ANTXR1: variants seen among roughly 807,000 people sequenced by gnomAD.
The protein encoded by ANTXR1 is ANTXR cell adhesion molecule 1.
Under a neutral mutation model 78.1 loss-of-function variants are expected in ANTXR1, and 19 were observed. That is an observed-to-expected ratio of 0.24 (90% CI 0.17 to 0.36). The LOEUF is 0.36. ANTXR1 is among the 10% of genes least tolerant of loss of function. The pLI, the probability that ANTXR1 is intolerant of heterozygous loss-of-function variation, is 1.00. For missense variants in ANTXR1, 518 were observed against 718.6 expected (o/e 0.72, Z 3.19); for synonymous variants, 273 against 260.5 (o/e 1.05, Z -0.46).
At chr2:69,193,464 T>A (rs7584057) in intron 17 of ANTXR1, 49 bp downstream of exon 17, 6 of 1,074,106 alleles carry the variant, frequency 5.6e-6, no homozygotes, top group South Asian at 1.3e-5. Flanking sequence ...CTCTCTCACA[T>A]ACACACACAC....
At chr2:69,236,835 A>G (rs900815468) in intron 17 of ANTXR1, among the ~76,000 whole-genome samples, 18 of 152,250 alleles carry the variant, frequency 1.2e-4, no homozygotes, top group Admixed American at 9.8e-4. Flanking sequence ...AAATGGTCAC[A>G]GTAAACTACT....
intron 16 of ANTXR1, among the ~76,000 whole-genome samples, chr2:69,187,185 CA>C (rs1209965963): frequency 2.0e-5 from 3 of 152,152 alleles, no homozygotes; most frequent in African/African-American, 2.4e-5. Flanking sequence ...GGCTCTTCTC[CA>C]CCCACCATCT....
intron 17 of ANTXR1, among the ~76,000 whole-genome samples, chr2:69,227,279 C>T (rs993504319): frequency 1.3e-5 from 2 of 152,100 alleles, no homozygotes; most frequent in African/African-American, 2.4e-5. Context: ...TCATGGCAGC[C>T]CTTACCTAAA....
chr2:69,144,554 G>A (rs1406145005), intron 12 of ANTXR1, among the ~76,000 whole-genome samples: 2 of 152,166 alleles, frequency 1.3e-5, no homozygotes, highest in Non-Finnish European at 2.9e-5. Context: ...GCATCCCCAG[G>A]TGCCCCGTGG....
intron 6 of ANTXR1, among the ~76,000 whole-genome samples, chr2:69,073,403 G>A (rs563626271): frequency 2.7e-4 from 41 of 152,080 alleles, no homozygotes; most frequent in Admixed American, 1.2e-3. Flanking sequence ...TTTAAATACT[G>A]TATATCACTT....
At chr2:69,091,333 C>T (rs965997315) in intron 9 of ANTXR1, among the ~76,000 whole-genome samples, 3 of 148,904 alleles carry the variant, frequency 2.0e-5, no homozygotes, top group Non-Finnish European at 3.0e-5. Flanking sequence ...CCCAGCTACT[C>T]GGGAGGCTGA....
In ANTXR1 at chr2:69,182,545, C is replaced by G; in HGVS notation, c.1238C>G (p.Ala413Gly). The G allele has an allele frequency of 6.2e-7, 1 of 1,614,162 alleles. No individual in the cohort carries two copies. The change falls in exon 16 of 18, where the codon GCA becomes GGA. Residue 413 changes from alanine (A) to glycine (G), a missense_variant. Ala to Gly is a moderately conservative substitution (Grantham distance 60). Transcript: ENST00000303714. ...GAAGAAGGTGCTAAGTTGGAAAAGGCAAAGAATGCAAGAGTCAAGATGCCG... is the reference window on the plus strand; with the variant it reads ...GAAGAAGGTGCTAAGTTGGAAAAGGGAAAGAATGCAAGAGTCAAGATGCCG... ...STEEGAKLEK[A>G]KNARVKMPEQ...
intron 10 of ANTXR1, among the ~76,000 whole-genome samples, chr2:69,120,729 A>G (rs2104370124): frequency 6.6e-6 from 1 of 152,320 alleles, no homozygotes. Context: ...CTACACTGTC[A>G]TCATAAGCTT....
chr2:69,185,265 G>A (rs1239768055), intron 16 of ANTXR1, among the ~76,000 whole-genome samples: 1 of 152,214 alleles, frequency 6.6e-6, no homozygotes, highest in Non-Finnish European at 1.5e-5. Context: ...CACCAGCTGG[G>A]CGCAGTGGCT....
chr2:69,193,457 T>TCACA lies in ANTXR1; in HGVS notation c.1434+43_1434+44insACAC, dbSNP rs763774448. Reference sequence around the variant, plus strand: ...CATTAATGGTGTCTCTCTCTCTCTCTCTCACATACACACACACACACACAC... The same window carrying TCACA: ...CATTAATGGTGTCTCTCTCTCTCTCTCACACTCACATACACACACACACACACAC... On this transcript the variant is annotated intron_variant, in intron 17 of 17. Coordinates refer to ENST00000303714, the MANE Select transcript of ANTXR1 (RefSeq NM_032208.3). The TCACA allele has an allele frequency of 2.2e-3, 2,600 of 1,160,514 alleles. 34 individuals carry two copies. The African/African-American group carries it at 0.031, about 14-fold the overall frequency. The allele number at this position is 1,160,514 out of a possible 1,614,324, so 71.9% of individuals were successfully genotyped here. A position where few individuals can be genotyped will look rare whatever the true frequency, so the allele number is the denominator to read the frequency against.
intron 12 of ANTXR1, among the ~76,000 whole-genome samples, chr2:69,125,793 A>G (rs1672515040): frequency 6.6e-6 from 1 of 152,030 alleles, no homozygotes; most frequent in Non-Finnish European, 1.5e-5. Flanking sequence ...GTGAGCTGAG[A>G]TTGCACCACT....
At chr2:69,204,468 G>T (rs1674848191) in intron 17 of ANTXR1, among the ~76,000 whole-genome samples, 1 of 152,112 alleles carries the variant, frequency 6.6e-6, no homozygotes, top group African/African-American at 2.4e-5. Flanking sequence ...AAGGTGGTCT[G>T]GAGAGATTCC....
chr2:69,094,986 C>A (rs1345907049), intron 9 of ANTXR1, among the ~76,000 whole-genome samples: 1 of 152,158 alleles, frequency 6.6e-6, no homozygotes, highest in South Asian at 2.1e-4. Flanking sequence ...GAAAAGCTGA[C>A]ACAACCTTAG....
In ANTXR1 at chr2:69,069,929, C is replaced by A. The variant is rs140739466; in HGVS notation, c.297-718C>A. Among the ~76,000 whole-genome samples, 1,346 of 152,252 alleles carry A rather than the reference C, an allele frequency of 8.8e-3. 11 individuals carry two copies. Among genetic ancestry groups the A allele is most frequent in the Middle Eastern group, 0.017 (5 of 294 alleles). On this transcript the variant is annotated intron_variant, in intron 3 of 17. Coordinates refer to ENST00000303714, the MANE Select transcript of ANTXR1 (RefSeq NM_032208.3). ...GTGAGTCAGAAATTTTACTTTATTG[C>A]CCTTTTTGGCACAATATGGAGCTAT...
intron 17 of ANTXR1, among the ~76,000 whole-genome samples, chr2:69,233,990 C>T (rs918926812): frequency 4.0e-5 from 6 of 151,782 alleles, no homozygotes; most frequent in Admixed American, 6.6e-5. Flanking sequence ...AACTTACATT[C>T]GAAAATCACA....
intron 17 of ANTXR1, among the ~76,000 whole-genome samples, chr2:69,231,761 A>G (rs1462590414): frequency 6.6e-6 from 1 of 152,130 alleles, no homozygotes; most frequent in African/African-American, 2.4e-5. Flanking sequence ...TCCCTGCAGT[A>G]GGCCAGCCAG....
intron 13 of ANTXR1, among the ~76,000 whole-genome samples, chr2:69,162,914 A>G (rs1449734089): frequency 6.6e-6 from 1 of 152,110 alleles, no homozygotes. Context: ...TTACAAAATA[A>G]TATATTAGGT....
At chr2:69,214,485 T>G (rs549236131) in intron 17 of ANTXR1, among the ~76,000 whole-genome samples, 13 of 152,258 alleles carry the variant, frequency 8.5e-5, no homozygotes, top group African/African-American at 3.1e-4. Context: ...CCAAATTCAG[T>G]CATAGAAAGT....
intron 1 of ANTXR1, among the ~76,000 whole-genome samples, chr2:69,031,422 A>G (rs1671528272): frequency 6.6e-6 from 1 of 152,260 alleles, no homozygotes; most frequent in South Asian, 2.1e-4. Context: ...TGAAAAAATT[A>G]TGGCTTATAG....
Sources: allele counts gnomAD v4.1 joint callset (sites outside exome capture counted in the v4.1 genomes callset), GRCh38; gene constraint gnomAD v4.1.1; transcripts MANE v1.5; gene names NCBI Gene and HGNC (gene_info 2026-07-23, HGNC 2026-07-21).